Variants in SAMD3 observed in about 807,000 individuals in gnomAD.
SAMD3 encodes sterile alpha motif domain containing 3.
In SAMD3, 63 loss-of-function variants were observed where a neutral mutation model predicts 58.5. That is an observed-to-expected ratio of 1.08 (90% CI 0.88 to 1.33). The LOEUF (loss-of-function observed/expected upper bound fraction) is 1.33. Among genes scored for constraint, SAMD3 ranks in the 40% most tolerant of loss-of-function variants. The pLI is 0.00. For missense variants in SAMD3, 604 were observed against 608.4 expected (o/e 0.99, Z 0.08); for synonymous variants, 220 against 210.3 (o/e 1.05, Z -0.40).
intron 5 of SAMD3, among the ~76,000 whole-genome samples, chr6:130,207,008 G>A (rs1795140716): frequency 6.6e-6 from 1 of 151,870 alleles, no homozygotes; most frequent in Admixed American, 6.6e-5. Context: ...AATTAGCTGG[G>A]CCTGGTAGTG....
At chr6:130,268,962 A>T (rs1583030131) in intron 2 of SAMD3, among the ~76,000 whole-genome samples, 1 of 152,126 alleles carries the variant, frequency 6.6e-6, no homozygotes, top group East Asian at 1.9e-4. Flanking sequence ...TTAAATTTAC[A>T]TGAGGTTCCA....
intron 8 of SAMD3, among the ~76,000 whole-genome samples, chr6:130,165,496 A>G (rs1308479579): frequency 6.6e-6 from 1 of 152,186 alleles, no homozygotes; most frequent in Non-Finnish European, 1.5e-5. Flanking sequence ...AGAAAACAAA[A>G]TTATTTTCAC....
At chr6:130,261,767 T>C (rs1232614036) in intron 2 of SAMD3, among the ~76,000 whole-genome samples, 2 of 152,060 alleles carry the variant, frequency 1.3e-5, no homozygotes, top group African/African-American at 4.8e-5. Context: ...GCATTAGAGG[T>C]GGGTTGGCCA....
chr6:130,256,774 C>G lies in SAMD3; in HGVS notation c.-187-33961G>C, dbSNP rs138039791. Among the ~76,000 whole-genome samples the G allele has an allele frequency of 5.0e-3, 759 of 152,280 alleles. 8 individuals are homozygous for G. The highest frequency in any genetic ancestry group is 0.016 in the African/African-American group (646 of 41,568). On this transcript the variant is annotated intron_variant, in intron 2 of 13. Coordinates refer to the SAMD3 transcript ENST00000368134. Reference sequence around the variant, plus strand: ...ATGGTTTCAAACTTATTTTAAACATCAAACCCAGATGTTCCAGCTTAACCA... The same window carrying G: ...ATGGTTTCAAACTTATTTTAAACATGAAACCCAGATGTTCCAGCTTAACCA...
At chr6:130,224,776 G>A (rs181896703), upstream of SAMD3, among the ~76,000 whole-genome samples, 35 of 151,828 alleles carry the variant, frequency 2.3e-4, no homozygotes, top group East Asian at 4.5e-3. Context: ...GTGCCACCAC[G>A]CCCAGCTAAG....
At chr6:130,209,893 A>T (rs1795385689) in intron 4 of SAMD3, among the ~76,000 whole-genome samples, 1 of 152,248 alleles carries the variant, frequency 6.6e-6, no homozygotes, top group African/African-American at 2.4e-5. Flanking sequence ...TTCCTTTATG[A>T]AATGATGGTG....
intron 2 of SAMD3, among the ~76,000 whole-genome samples, chr6:130,279,487 CTTTTTTT>C (rs397886882): frequency 1.6e-5 from 2 of 123,378 alleles, no homozygotes; most frequent in South Asian, 2.6e-4. Flanking sequence ...TCAATTAAAC[CTTTTTTT>C]TTTTTTTTTT....
At chr6:130,350,602 G>A (rs995319273) in intron 1 of SAMD3, among the ~76,000 whole-genome samples, 15 of 152,294 alleles carry the variant, frequency 9.8e-5, no homozygotes, top group African/African-American at 2.4e-4. Context: ...AACATTCCAC[G>A]CTCATGGGTA....
chr6:130,259,599 A>G lies in SAMD3; in HGVS notation c.-187-36786T>C, dbSNP rs1302680790. Reference sequence around the variant, plus strand: ...AAACACATAAATGATCAAAAGATACAGTGAATAGAAACAGGCCCTTTACCA... The same window carrying G: ...AAACACATAAATGATCAAAAGATACGGTGAATAGAAACAGGCCCTTTACCA... On this transcript the variant is annotated intron_variant, in intron 2 of 13. Transcript: ENST00000368134. Among the ~76,000 whole-genome samples the G allele has an allele frequency of 2.0e-5, 3 of 152,346 alleles. No homozygotes were observed. In the East Asian group the frequency reaches 5.8e-4, roughly 29 times the overall value.
At chr6:130,170,710 C>A in intron 8 of SAMD3, among the ~76,000 whole-genome samples, 1 of 152,104 alleles carries the variant, frequency 6.6e-6, no homozygotes, top group Middle Eastern at 3.4e-3. Flanking sequence ...TTGTAGCAGT[C>A]GCAAATGGGA....
chr6:130,258,377 T>C (rs1468585077), intron 2 of SAMD3, among the ~76,000 whole-genome samples: 1 of 152,196 alleles, frequency 6.6e-6, no homozygotes, highest in Non-Finnish European at 1.5e-5. Context: ...TATTTACATT[T>C]ATGTAATTAT....
intron 2 of SAMD3, among the ~76,000 whole-genome samples, chr6:130,287,727 C>T (rs550899881): frequency 1.3e-4 from 20 of 152,120 alleles, no homozygotes; most frequent in East Asian, 9.7e-4. Context: ...AGGCAGATCA[C>T]GAGGTTAAGC....
chr6:130,268,634 C>A (rs575858632), intron 2 of SAMD3, among the ~76,000 whole-genome samples: 1 of 152,260 alleles, frequency 6.6e-6, no homozygotes, highest in South Asian at 2.1e-4. Flanking sequence ...TAGATACATA[C>A]TTACCATTGT....
intron 2 of SAMD3, among the ~76,000 whole-genome samples, chr6:130,312,503 G>A (rs1776210189): frequency 6.6e-6 from 1 of 152,046 alleles, no homozygotes; most frequent in Non-Finnish European, 1.5e-5. Flanking sequence ...ATGGGTCCAG[G>A]GCCAATCCAG....
chr6:130,323,555 C>T (rs1490939596), intron 1 of SAMD3, among the ~76,000 whole-genome samples: 1 of 151,900 alleles, frequency 6.6e-6, no homozygotes, highest in Non-Finnish European at 1.5e-5. Flanking sequence ...GTAATCCTAG[C>T]ACTTTGGGAG....
At chr6:130,334,741 C>T (rs532929570) in intron 1 of SAMD3, among the ~76,000 whole-genome samples, 1 of 152,308 alleles carries the variant, frequency 6.6e-6, no homozygotes, top group South Asian at 2.1e-4. Flanking sequence ...TTTCTTCCCC[C>T]TTACTCAAAA....
At chr6:130,319,399 G>A (rs539785556) in intron 1 of SAMD3, among the ~76,000 whole-genome samples, 18 of 152,154 alleles carry the variant, frequency 1.2e-4, no homozygotes, top group Middle Eastern at 3.4e-3. Context: ...AGCCCGAAGC[G>A]AAAGACACAT....
upstream of SAMD3, among the ~76,000 whole-genome samples, chr6:130,227,379 A>G (rs1388652612): frequency 6.6e-6 from 1 of 152,192 alleles, no homozygotes; most frequent in African/African-American, 2.4e-5. Flanking sequence ...GACAGTGGAC[A>G]TTTGGGCTTT....
chr6:130,207,457 G>T (rs1378436519), intron 5 of SAMD3, among the ~76,000 whole-genome samples: 1 of 152,128 alleles, frequency 6.6e-6, no homozygotes, highest in Non-Finnish European at 1.5e-5. Flanking sequence ...TACTAGGGTA[G>T]GTAGCACTGG....
Sources: allele counts gnomAD v4.1 joint callset (sites outside exome capture counted in the v4.1 genomes callset), GRCh38; gene constraint gnomAD v4.1.1; transcripts MANE v1.5; gene names NCBI Gene and HGNC (gene_info 2026-07-23, HGNC 2026-07-21).